KCNIP4: variants seen among roughly 807,000 people sequenced by gnomAD.
KCNIP4 encodes the protein potassium voltage-gated channel interacting protein 4, also known as Kv channel-interacting protein 4.
KCNIP4 carries 12 observed loss-of-function variants against 34.0 expected under a neutral mutation model. The observed-to-expected ratio is 0.35, with a 90% CI of 0.23 to 0.57. The LOEUF (loss-of-function observed/expected upper bound fraction) is 0.57. KCNIP4 is among the 20% of genes least tolerant of loss of function. The pLI is 0.83. For synonymous variants in KCNIP4, 124 were observed against 102.2 expected (o/e 1.21, Z -1.29); for missense variants, 238 against 311.7 (o/e 0.76, Z 1.78).
chr4:21,271,482 A>G (rs1001742062), intron 1 of KCNIP4, among the ~76,000 whole-genome samples: 2 of 152,136 alleles, frequency 1.3e-5, no homozygotes, highest in Non-Finnish European at 2.9e-5. Context: ...CTTTATTAAC[A>G]TGTGTTATTT....
intron 1 of KCNIP4, among the ~76,000 whole-genome samples, chr4:20,953,660 A>T (rs1434946): frequency 0.83 from 126,502 of 152,072 alleles, 52,893 homozygotes; most frequent in African/African-American, 0.9. Flanking sequence ...GGTGACAGAG[A>T]GAGACTCCGT....
At chr4:20,813,623 T>C (rs1395584622) in intron 3 of KCNIP4, among the ~76,000 whole-genome samples, 2 of 152,212 alleles carry the variant, frequency 1.3e-5, no homozygotes, top group East Asian at 3.8e-4. Flanking sequence ...AATTAGATCC[T>C]GAACTTCTGT....
intron 1 of KCNIP4, among the ~76,000 whole-genome samples, chr4:21,129,410 T>G (rs1350829175): frequency 1.3e-5 from 2 of 152,174 alleles, no homozygotes; most frequent in Admixed American, 6.5e-5. Context: ...TGAGAAAACT[T>G]TGGTTCAGAA....
At chr4:21,390,306 C>A (rs1722448775) in intron 1 of KCNIP4, among the ~76,000 whole-genome samples, 1 of 152,002 alleles carries the variant, frequency 6.6e-6, no homozygotes, top group South Asian at 2.1e-4. Context: ...CTTTAGTTTA[C>A]TTAGATCCCA....
chr4:21,557,112 G>A lies in KCNIP4; in HGVS notation c.61+391459C>T, dbSNP rs571662953. On this transcript the variant is annotated intron_variant, in intron 1 of 8. Transcript: ENST00000382152. The stretch of plus-strand genomic sequence containing the variant: ...CTTCCAGTAGTGGGTACCATGTGGA[G>A]CACTTACTAAATGTGTTTCGTCATG... 3.3e-5 allele frequency among the ~76,000 whole-genome samples: 5 copies of A among 152,068 alleles called. No homozygotes were observed. In the East Asian group the frequency reaches 7.8e-4, roughly 24 times the overall value.
At chr4:21,681,783 A>G (rs1441434869) in intron 1 of KCNIP4, among the ~76,000 whole-genome samples, 1 of 152,202 alleles carries the variant, frequency 6.6e-6, no homozygotes, top group African/African-American at 2.4e-5. Flanking sequence ...AGGCCTCAGA[A>G]AGCTTCCACT....
At chr4:20,903,681 A>G (rs1288991879) in intron 1 of KCNIP4, among the ~76,000 whole-genome samples, 1 of 152,164 alleles carries the variant, frequency 6.6e-6, no homozygotes, top group Non-Finnish European at 1.5e-5. Flanking sequence ...TCTAAAATGT[A>G]TAAAACCAAG....
chr4:21,231,694 C>G (rs923336709), intron 1 of KCNIP4, among the ~76,000 whole-genome samples: 1 of 152,104 alleles, frequency 6.6e-6, no homozygotes, highest in South Asian at 2.1e-4. Context: ...ATGATAAAAA[C>G]TCTGTTTAGA....
At chr4:21,096,972 T>C (rs530652285) in intron 1 of KCNIP4, among the ~76,000 whole-genome samples, 1 of 152,228 alleles carries the variant, frequency 6.6e-6, no homozygotes, top group African/African-American at 2.4e-5. Context: ...GTTTCAGCCA[T>C]TAAACTCCAA....
chr4:21,066,184 A>G (rs535298689), intron 1 of KCNIP4, among the ~76,000 whole-genome samples: 29 of 152,264 alleles, frequency 1.9e-4, no homozygotes, highest in Admixed American at 1.7e-3. Flanking sequence ...TATTGTGGGC[A>G]GCTCTGATGG....
intron 1 of KCNIP4, among the ~76,000 whole-genome samples, chr4:21,749,768 G>A (rs1446200048): frequency 6.6e-6 from 1 of 152,086 alleles, no homozygotes; most frequent in Non-Finnish European, 1.5e-5. Flanking sequence ...GAACAGCAGG[G>A]CATGCCTGTT....
intron 1 of KCNIP4, among the ~76,000 whole-genome samples, chr4:21,734,614 A>C (rs1024812711): frequency 6.6e-6 from 1 of 152,208 alleles, no homozygotes; most frequent in African/African-American, 2.4e-5. Context: ...CAAATAAAGC[A>C]CAAGATACAA....
At chr4:20,967,640 T>A (rs2149671431) in intron 1 of KCNIP4, among the ~76,000 whole-genome samples, 1 of 152,270 alleles carries the variant, frequency 6.6e-6, no homozygotes. Flanking sequence ...TCTACAACCA[T>A]CTGATCTTTG....
rs148183884 is a variant in KCNIP4, at chr4:21,676,433, C to T, written c.61+272138G>A. ...CTAGTGAAGGTACCCAATTGCCTCT[C>T]CATTCTTGTTAAAGAATGATTATTT... On this transcript the variant is annotated intron_variant, in intron 1 of 8. Transcript: ENST00000382152. Among the ~76,000 whole-genome samples the T allele has an allele frequency of 4.1e-3, 620 of 152,286 alleles. 1 individual carries two copies. Among genetic ancestry groups the T allele is most frequent in the African/African-American group, 0.014 (581 of 41,572 alleles).
intron 1 of KCNIP4, among the ~76,000 whole-genome samples, chr4:21,108,335 C>T (rs184601204): frequency 6.7e-6 from 1 of 148,978 alleles, no homozygotes; most frequent in Non-Finnish European, 1.5e-5. Flanking sequence ...CTTCTCGCTT[C>T]ATTTCATTCA....
intron 1 of KCNIP4, among the ~76,000 whole-genome samples, chr4:21,622,875 T>G (rs1745083956): frequency 6.6e-6 from 1 of 152,192 alleles, no homozygotes; most frequent in South Asian, 2.1e-4. Flanking sequence ...TTTCTGTGAC[T>G]TGTTTTTTAT....
intron 1 of KCNIP4, among the ~76,000 whole-genome samples, chr4:21,754,918 G>T (rs1196395697): frequency 6.6e-6 from 1 of 152,088 alleles, no homozygotes; most frequent in Non-Finnish European, 1.5e-5. Flanking sequence ...AGGCCGAGGT[G>T]GGCGGATCAC....
At chr4:21,643,875 G>C (rs1173121876) in intron 1 of KCNIP4, among the ~76,000 whole-genome samples, 20 of 85,272 alleles carry the variant, frequency 2.3e-4, no homozygotes, top group African/African-American at 9.1e-4. Flanking sequence ...GATGATGATA[G>C]ATAGATAGAT....
chr4:21,103,238 C>CA (rs1251160099), intron 1 of KCNIP4, among the ~76,000 whole-genome samples: 1 of 148,956 alleles, frequency 6.7e-6, no homozygotes, highest in African/African-American at 2.5e-5. Flanking sequence ...CTTGATCCAT[C>CA]AAAGTTAAGT....
Sources: allele counts gnomAD v4.1 joint callset (sites outside exome capture counted in the v4.1 genomes callset), GRCh38; gene constraint gnomAD v4.1.1; transcripts MANE v1.5; gene names NCBI Gene and HGNC (gene_info 2026-07-23, HGNC 2026-07-21).